Variants in FREM2 observed in about 807,000 individuals in gnomAD.
FREM2 encodes FRAS1-related extracellular matrix protein 2.
FREM2 carries 119 observed loss-of-function variants against 219.9 expected under a neutral mutation model. The ratio of observed to expected loss-of-function variants is 0.54; its 90% CI spans 0.47 to 0.63. FREM2 has a LOEUF of 0.63. Among genes scored for constraint, FREM2 ranks in the 30% least tolerant of loss-of-function variants. The pLI is 0.00. For missense variants in FREM2, 4,030 were observed against 3,993.6 expected (o/e 1.01, Z -0.25); for synonymous variants, 1,562 against 1,522.8 (o/e 1.03, Z -0.60).
chr13:38,773,020 G>A (rs1413173314), intron 4 of FREM2, among the ~76,000 whole-genome samples: 1 of 151,990 alleles, frequency 6.6e-6, no homozygotes, highest in Non-Finnish European at 1.5e-5. Context: ...CACACACACA[G>A]ACACATATAC....
Position 38,878,154 on chromosome 13 carries a change from G to A in FREM2, c.8692G>A (p.Val2898Ile), listed in dbSNP as rs746045957. The change falls in exon 22 of 24, where the codon GTC becomes ATC. Residue 2898 changes from valine to isoleucine, a missense_variant. Physicochemically the swap from Val to Ile is conservative, Grantham distance 29. Around this residue, in one of 2 missense-constraint regions of FREM2, gnomAD observed 928 missense variants for 1,042.9 expected, o/e 0.89. Coordinates refer to ENST00000280481, the MANE Select transcript of FREM2 (RefSeq NM_207361.6). ...FAEGDIIYGRVMVDPVQNLGD... is the reference protein window; with the variant it reads ...FAEGDIIYGRIMVDPVQNLGD... ...TTCAGGTGATATAATTTATGGTCGT[G>A]TCATGGTGGATCCTGTCCAGAATCT... The A allele has an allele frequency of 4.3e-6, 7 of 1,613,530 alleles. No individual in the cohort carries two copies. The African/African-American group carries it at 6.7e-5, about 15-fold the overall frequency.
At position 38,881,155 on chromosome 13, in the gene FREM2, GTGAATGT is replaced by G. The variant is rs1878532537; in HGVS notation, c.*373_*379del. The G allele has an allele frequency of 3.2e-6, 1 of 310,084 alleles. No homozygotes were observed. The highest frequency in any genetic ancestry group is 6.1e-6 in the Non-Finnish European group (1 of 162,638). 19.2% of individuals were successfully genotyped at this position (310,084 alleles called of 1,614,324 possible). A position where few individuals can be genotyped will look rare whatever the true frequency, so the allele number is the denominator to read the frequency against. Reference sequence around the variant, plus strand: ...AGGAATCTACTGTTGCTATGTTAGTGTGAATGTTGAAGGTGCAATTATCACATTGTTT... The same window carrying G: ...AGGAATCTACTGTTGCTATGTTAGTGTGAAGGTGCAATTATCACATTGTTT... On this transcript the variant is annotated 3_prime_UTR_variant, in exon 24 of 24. Coordinates refer to ENST00000280481, the MANE Select transcript of FREM2 (RefSeq NM_207361.6).
chr13:38,720,489 C>A (rs949467066), intron 2 of FREM2, among the ~76,000 whole-genome samples: 1 of 152,076 alleles, frequency 6.6e-6, no homozygotes, highest in African/African-American at 2.4e-5. Context: ...CACACAAAAG[C>A]CTAGGTTTAC....
chr13:38,774,884 A>G (rs1873810066), intron 4 of FREM2, among the ~76,000 whole-genome samples: 1 of 152,156 alleles, frequency 6.6e-6, no homozygotes, highest in South Asian at 2.1e-4. Context: ...TACACTTGAA[A>G]TGTCTGCCAA....
At chr13:38,801,295 C>G (rs899580989) in intron 6 of FREM2, among the ~76,000 whole-genome samples, 1 of 152,106 alleles carries the variant, frequency 6.6e-6, no homozygotes. Context: ...TCTCACGGAG[C>G]TTCATTAAAA....
chr13:38,877,375 C>T, intron 21 of FREM2, 132 bp downstream of exon 21: 1 of 991,466 alleles, frequency 1.0e-6, no homozygotes, highest in East Asian at 2.4e-5. Context: ...TGGGTCTTTA[C>T]CCACTCTGGC....
In FREM2 at chr13:38,700,081, A is replaced by G. The variant is rs115257517; in HGVS notation, c.5263+2294A>G. Reference sequence around the variant, plus strand: ...TCTTCAAATCAACGTGATTGATTTTATAACAGTAACTATCTAAGGAAATTA... The same window carrying G: ...TCTTCAAATCAACGTGATTGATTTTGTAACAGTAACTATCTAAGGAAATTA... On this transcript the variant is annotated intron_variant, in intron 2 of 23. Transcript: ENST00000280481. Among the ~76,000 whole-genome samples the G allele has an allele frequency of 6.4e-3, 977 of 152,256 alleles. 6 individuals are homozygous for G. The highest frequency in any genetic ancestry group is 0.022 in the African/African-American group (919 of 41,578).
intron 6 of FREM2, among the ~76,000 whole-genome samples, chr13:38,814,125 C>T (rs551481155): frequency 6.6e-6 from 1 of 152,202 alleles, no homozygotes; most frequent in South Asian, 2.1e-4. Context: ...TTCTTCAAGT[C>T]TCTTCAAAAT....
intron 4 of FREM2, among the ~76,000 whole-genome samples, chr13:38,775,789 T>C (rs1015174035): frequency 6.6e-6 from 1 of 152,056 alleles, no homozygotes; most frequent in African/African-American, 2.4e-5. Context: ...CAGCTAATTT[T>C]TGTATTTTTA....
intron 6 of FREM2, among the ~76,000 whole-genome samples, chr13:38,825,645 A>G (rs768983494): frequency 1.3e-5 from 2 of 152,132 alleles, no homozygotes; most frequent in Admixed American, 1.3e-4. Flanking sequence ...AATGCTGAAC[A>G]GCTCCTTAGT....
In FREM2 at chr13:38,689,393, G is replaced by T. The variant is rs116540603; in HGVS notation, c.2049G>T (p.Gln683His). Residue 683 changes from glutamine (Q) to histidine (H), a missense_variant, in exon 1 of 24, where the codon CAG (glutamine) becomes CAT (histidine). Gln to His is a conservative substitution (Grantham distance 24). Transcript: ENST00000280481. Reference protein sequence around the residue: ...RVQDNHDPPNQSGLQRFVIRI... With the variant: ...RVQDNHDPPNHSGLQRFVIRI... The stretch of plus-strand genomic sequence containing the variant: ...AGGATAACCATGACCCTCCTAATCA[G>T]TCCGGGCTACAGCGGTTTGTGATTC... 5 of 1,613,934 alleles carry T rather than the reference G, an allele frequency of 3.1e-6. No homozygotes were observed. In the African/African-American group the frequency reaches 6.7e-5, roughly 22 times the overall value.
intron 2 of FREM2, 143 bp from the exon 3 acceptor site, chr13:38,764,161 C>T (rs1403520644): frequency 1.5e-6 from 1 of 658,310 alleles, no homozygotes; most frequent in Non-Finnish European, 2.8e-6. Context: ...AGCTGTATCT[C>T]CATGTACATA....
At chr13:38,833,410 T>C (rs989653005) in intron 6 of FREM2, among the ~76,000 whole-genome samples, 2 of 152,128 alleles carry the variant, frequency 1.3e-5, no homozygotes. Flanking sequence ...TCCCTATTCT[T>C]AGTTATTTTT....
At chr13:38,710,920 T>G (rs1870745686) in intron 2 of FREM2, among the ~76,000 whole-genome samples, 1 of 152,242 alleles carries the variant, frequency 6.6e-6, no homozygotes, top group Non-Finnish European at 1.5e-5. Context: ...TGTAATTGTT[T>G]GCACACACTT....
At position 38,769,685 on chromosome 13, in the gene FREM2, C is replaced by T. The variant is rs9603422; in HGVS notation, c.5518C>T (p.Arg1840Trp). 193,590 of 1,613,820 alleles carry T rather than the reference C, an allele frequency of 0.12. 12,441 individuals carry two copies. The highest frequency in any genetic ancestry group is 0.22 in the African/African-American group (16,130 of 74,974). ...PGQTRATWRV[R>W]ILSDGEHEQS... ...CCAGACCAGGGCCACATGGCGAGTG[C>T]GGATCCTGAGTGATGGGGAGCATGA... is the stretch of plus-strand genomic sequence containing the variant. The change falls in exon 4 of 24, where the codon CGG (arginine) becomes TGG (tryptophan). Residue 1840 changes from arginine to tryptophan, a missense_variant. This residue lies in a region of FREM2 where 3,102 missense variants were observed against 2,950.7 expected (regional missense o/e 1.05). Coordinates refer to ENST00000280481, the MANE Select transcript of FREM2 (RefSeq NM_207361.6).
chr13:38,749,878 A>C (rs1267624116), intron 2 of FREM2, among the ~76,000 whole-genome samples: 2 of 152,208 alleles, frequency 1.3e-5, no homozygotes, highest in African/African-American at 2.4e-5. Flanking sequence ...TCTCTGCAGT[A>C]ATCATTGTCT....
intron 4 of FREM2, among the ~76,000 whole-genome samples, chr13:38,776,485 A>G (rs1566138182): frequency 1.3e-5 from 2 of 152,238 alleles, no homozygotes; most frequent in Non-Finnish European, 2.9e-5. Context: ...ATGTCTGAGA[A>G]CAGAGAAATC....
At chr13:38,797,130 C>A (rs1476653142) in intron 6 of FREM2, among the ~76,000 whole-genome samples, 2 of 83,394 alleles carry the variant, frequency 2.4e-5, no homozygotes, top group Non-Finnish European at 3.0e-5. Flanking sequence ...TCCCACCTTA[C>A]CTTTGAAAGC....
chr13:38,688,966 G>T lies in FREM2; in HGVS notation c.1622G>T (p.Gly541Val). Residue 541 changes from glycine to valine, a missense_variant, in exon 1 of 24, where the codon GGC (glycine) becomes GTC (valine). Coordinates refer to ENST00000280481, the MANE Select transcript of FREM2 (RefSeq NM_207361.6). ...NLVLRMVDGG[G>V]RHQVQFLFPI... ...GTGCTTCGCATGGTGGATGGAGGAG[G>T]CAGGCACCAGGTACAGTTTCTGTTC... The T allele has an allele frequency of 6.2e-7, 1 of 1,613,504 alleles. No homozygotes were observed. Among genetic ancestry groups the T allele is most frequent in the Non-Finnish European group, 8.5e-7 (1 of 1,179,694 alleles).
Sources: gnomAD v4.1 joint callset for allele counts (sites outside exome capture counted in the v4.1 genomes callset) on GRCh38, gnomAD v4.1.1 for gene constraint, gnomAD v4.1.1 regional missense constraint, MANE v1.5 for transcripts, NCBI Gene and HGNC (gene_info 2026-07-23, HGNC 2026-07-21) for gene names.